The following ATP13A4 variants were observed in gnomAD, a reference collection of about 807,000 sequenced individuals.
The protein encoded by ATP13A4 is ATPase 13A4.
In ATP13A4, 114 loss-of-function variants were observed where a neutral mutation model predicts 142.5. The ratio of observed to expected loss-of-function variants is 0.80; its 90% CI spans 0.69 to 0.93. ATP13A4 has a LOEUF of 0.93. Ranked by LOEUF, ATP13A4 falls within the 40% of genes least tolerant of loss-of-function variation. The pLI, the probability that ATP13A4 is intolerant of heterozygous loss-of-function variation, is 0.00. For synonymous variants in ATP13A4, 488 were observed against 514.8 expected, an observed-to-expected ratio of 0.95 and a Z score of 0.70; for missense variants, 1,392 against 1,454.0, an observed-to-expected ratio of 0.96 and a Z score of 0.69.
chr3:193,579,206 T>C (rs545713811), intron 2 of ATP13A4: 1 of 158,372 alleles, frequency 6.3e-6, no homozygotes, highest in Non-Finnish European at 1.4e-5. Flanking sequence ...GTGAGTAATA[T>C]CACATTCACA....
intron 1 of ATP13A4, among the ~76,000 whole-genome samples, chr3:193,532,328 C>T (rs368698074): frequency 6.6e-6 from 1 of 150,474 alleles, no homozygotes; most frequent in Non-Finnish European, 1.5e-5. Context: ...CAATGCTATT[C>T]CTATACTTTG....
At chr3:193,553,649 T>C (rs1345220851) in intron 1 of ATP13A4, 1 of 152,222 alleles carries the variant, frequency 6.6e-6, no homozygotes, top group African/African-American at 2.4e-5. Flanking sequence ...AAGTAAAGGA[T>C]ATGGTTAAGA....
chr3:193,425,358 G>A (rs1715603998), intron 25 of ATP13A4, among the ~76,000 whole-genome samples: 1 of 151,654 alleles, frequency 6.6e-6, no homozygotes, highest in Non-Finnish European at 1.5e-5. Flanking sequence ...TCCCACTACT[G>A]GGTATGTATC....
chr3:193,436,337 T>C (rs1020677941), intron 23 of ATP13A4, among the ~76,000 whole-genome samples: 2 of 152,190 alleles, frequency 1.3e-5, no homozygotes, highest in African/African-American at 4.8e-5. Context: ...TGTTGATTGA[T>C]TTGAATAAAT....
intron 26 of ATP13A4, among the ~76,000 whole-genome samples, 165 bp downstream of exon 26, chr3:193,414,414 A>T (rs1048360675): frequency 2.6e-5 from 4 of 152,232 alleles, no homozygotes; most frequent in African/African-American, 9.6e-5. Context: ...ATTAGCATTA[A>T]ATCATGCTAC....
At chr3:193,534,805 A>T (rs1276838580) in intron 1 of ATP13A4, among the ~76,000 whole-genome samples, 2 of 152,136 alleles carry the variant, frequency 1.3e-5, no homozygotes, top group East Asian at 1.9e-4. Context: ...TGACTAAAAA[A>T]CTTAAAGAAA....
chr3:193,457,158 T>C lies in ATP13A4; in HGVS notation c.1762-5A>G, dbSNP rs370756016. The C allele has an allele frequency of 1.7e-4, 268 of 1,612,652 alleles. No homozygotes were observed. Among genetic ancestry groups the C allele is most frequent in the Non-Finnish European group, 2.2e-4 (257 of 1,180,016 alleles). On this transcript the variant is annotated splice_region_variant and splice_polypyrimidine_tract_variant and intron_variant, in intron 15 of 29. Transcript: ENST00000342695. ...TGCAATTCCTTCCACTGGGACCTGG[T>C]TGAGGGATGGGGAAAGGAGAGGAAC...
rs1560291052 is a variant in ATP13A4, at chr3:193,582,719, T to TATAAAATATATATGTATAA, written n.92-814_92-813insTTATACATATATATTTTAT. On this transcript the variant is annotated intron_variant and non_coding_transcript_variant, in intron 1 of 3. Transcript: ENST00000489140. The stretch of plus-strand genomic sequence containing the variant: ...ATAACATATATAATATATATGTATA[T>TATAAAATATATATGTATAA]TACATATATAAAATATATATGTATA... 3.0e-4 allele frequency among the ~76,000 whole-genome samples: 14 copies of TATAAAATATATATGTATAA among 45,998 alleles called. 4 individuals are homozygous for TATAAAATATATATGTATAA. In the South Asian group the frequency reaches 7.4e-3, roughly 24 times the overall value. 30.2% of individuals were successfully genotyped at this position (45,998 alleles called of 152,430 possible).
chr3:193,472,064 C>T (rs1430437476), intron 8 of ATP13A4, among the ~76,000 whole-genome samples: 1 of 152,106 alleles, frequency 6.6e-6, no homozygotes, highest in Non-Finnish European at 1.5e-5. Flanking sequence ...GGATGAGGGG[C>T]AGTGGGAGCA....
At chr3:193,450,814 A>G (rs1447900058) in intron 17 of ATP13A4, among the ~76,000 whole-genome samples, 1 of 152,088 alleles carries the variant, frequency 6.6e-6, no homozygotes, top group Non-Finnish European at 1.5e-5. Flanking sequence ...CTAGTGGAAG[A>G]TGTGCCAGGC....
intron 25 of ATP13A4, among the ~76,000 whole-genome samples, chr3:193,429,157 C>A (rs1439601400): frequency 6.6e-6 from 1 of 151,944 alleles, no homozygotes; most frequent in Non-Finnish European, 1.5e-5. Flanking sequence ...CATTAAATAA[C>A]AAGAGCTGAT....
At chr3:193,529,099 G>T (rs1420129139) in intron 1 of ATP13A4, among the ~76,000 whole-genome samples, 1 of 151,984 alleles carries the variant, frequency 6.6e-6, no homozygotes, top group Non-Finnish European at 1.5e-5. Flanking sequence ...GCGAAACCCC[G>T]TCTCTACTAA....
intron 25 of ATP13A4, among the ~76,000 whole-genome samples, chr3:193,429,417 A>ATTT (rs1314624080): frequency 6.6e-6 from 1 of 152,126 alleles, no homozygotes; most frequent in African/African-American, 2.4e-5. Context: ...AAATAAATGG[A>ATTT]TAGATAAAAT....
At chr3:193,492,012 C>T (rs1309219265) in intron 5 of ATP13A4, among the ~76,000 whole-genome samples, 1 of 152,112 alleles carries the variant, frequency 6.6e-6, no homozygotes, top group South Asian at 2.1e-4. Flanking sequence ...AAACACTAAC[C>T]GCTTTCTCTG....
chr3:193,447,014 C>T (rs1463824135), intron 18 of ATP13A4, among the ~76,000 whole-genome samples: 1 of 152,112 alleles, frequency 6.6e-6, no homozygotes, highest in Non-Finnish European at 1.5e-5. Context: ...TAAGAGCACC[C>T]CTTCATTCCA....
At chr3:193,551,661 C>T (rs1723573409) in intron 1 of ATP13A4, among the ~76,000 whole-genome samples, 2 of 152,208 alleles carry the variant, frequency 1.3e-5, no homozygotes, top group Admixed American at 1.3e-4. Context: ...AAGGACCAGT[C>T]CTATTTTACA....
At chr3:193,472,498 G>A (rs1026815818) in intron 8 of ATP13A4, among the ~76,000 whole-genome samples, 2 of 152,196 alleles carry the variant, frequency 1.3e-5, no homozygotes, top group East Asian at 1.9e-4. Flanking sequence ...AAAGGTGAAC[G>A]TTCTCGACTT....
intron 2 of ATP13A4, among the ~76,000 whole-genome samples, chr3:193,509,029 T>A (rs1721000597): frequency 6.7e-6 from 1 of 149,982 alleles, no homozygotes; most frequent in African/African-American, 2.4e-5. Flanking sequence ...AATAGAAAGC[T>A]TATAATTTTA....
Position 193,411,037 on chromosome 3 carries a change from C to T in ATP13A4, c.3242G>A (p.Gly1081Asp). ...AGCAAATAGAATGAATAGACATACA[C>T]CAAGCTGTATTATCAGCACAAGGAC... ...IFVLVLIIQL[G>D]VCLFILFADI... The change falls in exon 28 of 30, where the codon GGT (glycine) becomes GAT (aspartate). Residue 1081 changes from glycine (G) to aspartate (D), a missense_variant. Physicochemically the swap from Gly to Asp is moderately conservative, Grantham distance 94. Transcript: ENST00000342695. The T allele has an allele frequency of 1.2e-6, 2 of 1,610,932 alleles. No individual in the cohort carries two copies. Among genetic ancestry groups the T allele is most frequent in the South Asian group, 2.2e-5 (2 of 91,004 alleles).
Sources: allele counts gnomAD v4.1 joint callset (sites outside exome capture counted in the v4.1 genomes callset), GRCh38; gene constraint gnomAD v4.1.1; transcripts MANE v1.5; gene names NCBI Gene and HGNC (gene_info 2026-07-23, HGNC 2026-07-21).